SUPT3H: variants seen among roughly 807,000 people sequenced by gnomAD.
SUPT3H encodes the protein transcription initiation protein SPT3 homolog.
Under a neutral mutation model 44.3 loss-of-function variants are expected in SUPT3H, and 44 were observed. The ratio of observed to expected loss-of-function variants is 0.99; its 90% CI spans 0.78 to 1.28. SUPT3H has a LOEUF of 1.28. Ranked by LOEUF, SUPT3H falls within the 50% of genes most tolerant of loss-of-function variation. The probability of loss-of-function intolerance (pLI) is 0.00; values close to 1 mark genes in which losing one functional copy is unlikely to be tolerated. For missense variants in SUPT3H, 380 were observed against 387.1 expected, an observed-to-expected ratio of 0.98 and a Z score of 0.15; for synonymous variants, 124 against 125.6, an observed-to-expected ratio of 0.99 and a Z score of 0.09.
chr6:45,021,161 C>G (rs547995034), intron 3 of SUPT3H, among the ~76,000 whole-genome samples: 1 of 151,978 alleles, frequency 6.6e-6, no homozygotes, highest in South Asian at 2.1e-4. Flanking sequence ...GTCCATAAAT[C>G]ATAATACTGG....
intron 2 of SUPT3H, among the ~76,000 whole-genome samples, chr6:45,253,845 A>ACG (rs1351837363): frequency 1.2e-5 from 1 of 86,948 alleles, no homozygotes; most frequent in Admixed American, 1.6e-4. Context: ...GTACACATAT[A>ACG]CGCATATATA....
chr6:45,087,888 T>C lies in SUPT3H; in HGVS notation c.186+18034A>G, dbSNP rs1014991844. On this transcript the variant is annotated intron_variant, in intron 3 of 10. Transcript: ENST00000371459. ...TTTGAAAAAGAAACAAAACTAAACA[T>C]AGAAGTCGCCACTAAAATACAATAT... Among the ~76,000 whole-genome samples, 4 of 151,966 alleles carry C rather than the reference T, an allele frequency of 2.6e-5. No individual in the cohort carries two copies. In the South Asian group the frequency reaches 6.2e-4, roughly 24 times the overall value.
chr6:44,826,124 G>T (rs1767730030), downstream of SUPT3H, among the ~76,000 whole-genome samples: 1 of 152,244 alleles, frequency 6.6e-6, no homozygotes, highest in East Asian at 1.9e-4. Flanking sequence ...TAAGAGATAC[G>T]ACTTTCTAAT....
At chr6:45,099,865 T>G (rs1425657825) in intron 3 of SUPT3H, among the ~76,000 whole-genome samples, 3 of 152,188 alleles carry the variant, frequency 2.0e-5, no homozygotes, top group Admixed American at 2.0e-4. Flanking sequence ...AAATTTAACT[T>G]CGATGTGCAA....
At chr6:44,940,534 A>G (rs962581644) in intron 9 of SUPT3H, among the ~76,000 whole-genome samples, 3 of 152,114 alleles carry the variant, frequency 2.0e-5, no homozygotes, top group Non-Finnish European at 4.4e-5. Flanking sequence ...TGTTCTGTAA[A>G]TGATTGTTGA....
intron 3 of SUPT3H, among the ~76,000 whole-genome samples, chr6:45,055,815 TA>T (rs1791024911): frequency 6.6e-6 from 1 of 151,824 alleles, no homozygotes; most frequent in South Asian, 2.1e-4. Context: ...AAAACAAAGG[TA>T]AATAGATGGG....
intron 10 of SUPT3H, among the ~76,000 whole-genome samples, chr6:44,887,640 GC>G: frequency 6.6e-6 from 1 of 151,762 alleles, no homozygotes; most frequent in Non-Finnish European, 1.5e-5. Context: ...GAAATTTATA[GC>G]ACTAAATGCC....
chr6:45,314,254 A>G (rs1331730634), intron 2 of SUPT3H, among the ~76,000 whole-genome samples: 1 of 152,166 alleles, frequency 6.6e-6, no homozygotes, highest in East Asian at 1.9e-4. Flanking sequence ...GCCCATTCTC[A>G]CCACTCCTCT....
intron 10 of SUPT3H, among the ~76,000 whole-genome samples, chr6:44,903,799 C>A (rs569516171): frequency 1.3e-5 from 2 of 152,064 alleles, no homozygotes; most frequent in African/African-American, 4.8e-5. Context: ...ACTGGCAAAC[C>A]GAATCCAGCA....
At chr6:44,815,504 T>TAATGAAGA (rs1358781703) in intron 11 of SUPT3H, among the ~76,000 whole-genome samples, 3 of 152,160 alleles carry the variant, frequency 2.0e-5, no homozygotes, top group Admixed American at 6.5e-5. Flanking sequence ...ATAATATAAG[T>TAATGAAGA]ACTGAAGAAA....
chr6:45,232,591 G>GTTATCCA (rs1360184101), intron 2 of SUPT3H, among the ~76,000 whole-genome samples: 4 of 152,272 alleles, frequency 2.6e-5, no homozygotes, highest in Admixed American at 6.5e-5. Flanking sequence ...CAGATGAGAG[G>GTTATCCA]GTTCTTGAGT....
chr6:45,239,950 A>G (rs1324844188), intron 2 of SUPT3H, among the ~76,000 whole-genome samples: 1 of 152,256 alleles, frequency 6.6e-6, no homozygotes, highest in Non-Finnish European at 1.5e-5. Flanking sequence ...CCTAAAGGCC[A>G]GATGCTATCA....
intron 5 of SUPT3H, among the ~76,000 whole-genome samples, chr6:45,010,868 T>G (rs913040367): frequency 2.0e-5 from 3 of 152,118 alleles, no homozygotes; most frequent in Non-Finnish European, 2.9e-5. Flanking sequence ...GCAATCATCT[T>G]TATCAAGTTA....
intron 6 of SUPT3H, among the ~76,000 whole-genome samples, chr6:44,985,201 AAATAAATAAAT>A (rs1445487909): frequency 7.4e-4 from 34 of 45,738 alleles, no homozygotes; most frequent in Middle Eastern, 9.8e-3. Flanking sequence ...ATAAATAAAT[AAATAAATAAAT>A]AAATAAAATA....
At chr6:44,933,241 AT>A (rs1251058119) in intron 9 of SUPT3H, among the ~76,000 whole-genome samples, 2 of 152,206 alleles carry the variant, frequency 1.3e-5, no homozygotes, top group African/African-American at 4.8e-5. Context: ...TGGGATTGTC[AT>A]AAGACCATTT....
chr6:45,218,525 T>G (rs896597767), intron 2 of SUPT3H, among the ~76,000 whole-genome samples: 1 of 151,950 alleles, frequency 6.6e-6, no homozygotes, highest in Non-Finnish European at 1.5e-5. Flanking sequence ...AAGTCGGGAG[T>G]TCGAGACCAG....
rs140653720 is a variant in SUPT3H, at chr6:44,828,884, ATTACATCTGCTATATTTTGGT to A, written c.*911_*931del. On this transcript the variant is annotated 3_prime_UTR_variant, in exon 11 of 11. Transcript: ENST00000371459. ...CTGAAGTTTAATCAGGAACTGTACA[ATTACATCTGCTATATTTTGGT>A]TTGTTCCAAAGAGTTACGGTTCCTC... 1.5e-3 allele frequency: 222 copies of A among 152,744 alleles called. No homozygotes were observed. Among genetic ancestry groups the A allele is most frequent in the African/African-American group, 5.0e-3 (209 of 41,578 alleles). 9.5% of individuals were successfully genotyped at this position (152,744 alleles called of 1,614,324 possible).
chr6:45,294,210 C>T (rs369875171), intron 2 of SUPT3H, among the ~76,000 whole-genome samples: 1 of 152,090 alleles, frequency 6.6e-6, no homozygotes, highest in South Asian at 2.1e-4. Context: ...TGATACACCA[C>T]ATAAACAGAA....
chr6:44,859,217 T>C (rs1474071404), intron 10 of SUPT3H, among the ~76,000 whole-genome samples: 2 of 152,202 alleles, frequency 1.3e-5, no homozygotes, highest in Admixed American at 6.5e-5. Flanking sequence ...TGTCTCTTAG[T>C]GAAAGGTATT....
Sources: allele counts gnomAD v4.1 joint callset (sites outside exome capture counted in the v4.1 genomes callset), GRCh38; gene constraint gnomAD v4.1.1; transcripts MANE v1.5; gene names NCBI Gene and HGNC (gene_info 2026-07-23, HGNC 2026-07-21).